Variants in KDM1B observed in about 807,000 individuals in gnomAD.
KDM1B encodes lysine-specific histone demethylase 2.
In KDM1B, 63 loss-of-function variants were observed where a neutral mutation model predicts 107.4. That is an observed-to-expected ratio of 0.59 (90% CI 0.48 to 0.72). KDM1B has a LOEUF of 0.72. Among genes scored for constraint, KDM1B ranks in the 30% least tolerant of loss-of-function variants. The pLI is 0.00. For missense variants in KDM1B, 749 were observed against 1,020.8 expected (o/e 0.73, Z 3.63); for synonymous variants, 363 against 363.9 (o/e 1.00, Z 0.03).
rs1207185227 is a variant in KDM1B at position 18,205,899 on chromosome 6, G to A, written c.1659+235G>A. On this transcript the variant is annotated intron_variant, in intron 15 of 21. Coordinates refer to ENST00000650836, the MANE Select transcript of KDM1B (RefSeq NM_001364614.2). The surrounding 1 kb of genome is among the most constrained non-coding windows in gnomAD (Gnocchi z 5.7). ...CCCAGCTACTCGGGAGGCTGAGGCA[G>A]GGGAATCGCTTGAACCTGGGAGGCG... Among the ~76,000 whole-genome samples, 1 of 152,134 alleles carries A rather than the reference G, an allele frequency of 6.6e-6. No homozygotes were observed. Among genetic ancestry groups the A allele is most frequent in the Non-Finnish European group, 1.5e-5 (1 of 68,022 alleles).
intron 8 of KDM1B, among the ~76,000 whole-genome samples, chr6:18,187,042 G>T (rs1485184833): frequency 6.9e-6 from 1 of 145,202 alleles, no homozygotes; most frequent in African/African-American, 2.7e-5. Flanking sequence ...TTTTTTCCCC[G>T]AATTCCTGGA....
rs892244222 is a variant in KDM1B at position 18,212,014 on chromosome 6, C to T, written c.1867-474C>T. 5 of 157,136 alleles carry T rather than the reference C, an allele frequency of 3.2e-5. No individual in the cohort carries two copies. The highest frequency in any genetic ancestry group is 1.9e-4 in the Admixed American group (3 of 15,542). The allele number at this position is 157,136 out of a possible 1,614,324, so 9.7% of individuals were successfully genotyped here. A position where few individuals can be genotyped will look rare whatever the true frequency, so the allele number is the denominator to read the frequency against. On this transcript the variant is annotated intron_variant, in intron 17 of 21. Coordinates refer to ENST00000650836, the MANE Select transcript of KDM1B (RefSeq NM_001364614.2). This position sits in a 1 kb window ranked among gnomAD's most constrained non-coding sequence, Gnocchi z 5.2. ...AGGCTGGAGTGTAGTGGCGTGATCT[C>T]GGCTCACTGCAAACTCCGCCTTCCA... is the stretch of plus-strand genomic sequence containing the variant.
At chr6:18,218,028 C>T (rs1789383573) in intron 21 of KDM1B, 143 bp downstream of exon 21, 2 of 812,066 alleles carry the variant, frequency 2.5e-6, no homozygotes, top group Admixed American at 5.5e-5. Flanking sequence ...TTCTCACCAT[C>T]CTCTTGCTCC....
intron 6 of KDM1B, among the ~76,000 whole-genome samples, chr6:18,169,591 G>A (rs1374465969): frequency 1.3e-5 from 2 of 152,052 alleles, no homozygotes; most frequent in Non-Finnish European, 2.9e-5. Flanking sequence ...TTTCCTATAG[G>A]TTGTTGTCTT....
At chr6:18,161,263 ACCTTCAT>A in intron 3 of KDM1B, 57 bp from the exon 4 acceptor site, 1 of 1,508,032 alleles carries the variant, frequency 6.6e-7, no homozygotes, top group East Asian at 2.3e-5. Flanking sequence ...TCAGTAGTGA[ACCTTCAT>A]CCTTAGTCAT....
At chr6:18,160,584 A>C (rs1784901865) in intron 3 of KDM1B, among the ~76,000 whole-genome samples, 2 of 146,800 alleles carry the variant, frequency 1.4e-5, no homozygotes, top group South Asian at 4.2e-4. Flanking sequence ...TAAATATGCA[A>C]AAAATTAGCT....
chr6:18,168,221 A>G (rs1272630028), intron 6 of KDM1B, among the ~76,000 whole-genome samples: 1 of 152,204 alleles, frequency 6.6e-6, no homozygotes, highest in Non-Finnish European at 1.5e-5. Flanking sequence ...TACCACCCCT[A>G]TCTAATTCCA....
At chr6:18,180,030 A>C (rs1178308875) in intron 7 of KDM1B, among the ~76,000 whole-genome samples, 1 of 136,234 alleles carries the variant, frequency 7.3e-6, no homozygotes, top group East Asian at 2.1e-4. Flanking sequence ...TGCTTCACTA[A>C]TTTTTGTATT....
chr6:18,212,253 C>T lies in KDM1B; in HGVS notation c.1867-235C>T. The T allele has an allele frequency of 2.0e-6, 1 of 509,768 alleles. No homozygotes were observed. Among genetic ancestry groups the T allele is most frequent in the Non-Finnish European group, 3.6e-6 (1 of 280,124 alleles). The allele number at this position is 509,768 out of a possible 1,614,324, so 31.6% of individuals were successfully genotyped here. ...AGCCACCGCACCTGGCCTCTGCTGA[C>T]TCTTCTTATCTAAGATGATTATTCA... On this transcript the variant is annotated intron_variant, in intron 17 of 21. Coordinates refer to ENST00000650836, the MANE Select transcript of KDM1B (RefSeq NM_001364614.2). The surrounding 1 kb of genome is among the most constrained non-coding windows in gnomAD (Gnocchi z 5.2).
Position 18,209,631 on chromosome 6 carries a change from G to C in KDM1B, c.1866+1425G>C, listed in dbSNP as rs1189531040. 3.3e-5 allele frequency among the ~76,000 whole-genome samples: 5 copies of C among 152,114 alleles called. No homozygotes were observed. Among genetic ancestry groups the C allele is most frequent in the Admixed American group, 3.3e-4 (5 of 15,270 alleles). On this transcript the variant is annotated intron_variant, in intron 17 of 21. Transcript: ENST00000650836. This position sits in a 1 kb window ranked among gnomAD's most constrained non-coding sequence, Gnocchi z 4.3. ...TTTTGTTTGTTTTTTTCAGAGACAG[G>C]GTCTCAGTCTGTCGCCCAGGCTGGA...
At chr6:18,199,028 A>AAG (rs1554147739) in intron 12 of KDM1B, among the ~76,000 whole-genome samples, 18 of 138,748 alleles carry the variant, frequency 1.3e-4, no homozygotes, top group East Asian at 4.0e-4. Flanking sequence ...AAAAAAAAAA[A>AAG]AAAAAGAAAA....
At chr6:18,165,820 TCAAA>T (rs1785261635) in intron 5 of KDM1B, among the ~76,000 whole-genome samples, 1 of 152,108 alleles carries the variant, frequency 6.6e-6, no homozygotes, top group Non-Finnish European at 1.5e-5. Context: ...AGACTCCATC[TCAAA>T]AGAAATTTAA....
In KDM1B at chr6:18,197,107, C is replaced by T. The variant is rs1241767106; in HGVS notation, c.1020C>T (p.Leu340=). The part of the protein sequence containing the change: ...KCIPHIIVRG[L]VRIRCVQEVE... ...TTCCTCACATCATCGTCCGGGGTCT[C>T]GTGCGTATTCGATGCGTTCAGGAAG... is the stretch of plus-strand genomic sequence containing the variant. Residue 340 remains leucine, a synonymous_variant, in exon 11 of 22, where the codon CTC becomes CTT. Coordinates refer to ENST00000650836, the MANE Select transcript of KDM1B (RefSeq NM_001364614.2). This position sits in a 1 kb window ranked among gnomAD's most constrained non-coding sequence, Gnocchi z 4.5. 1.2e-6 allele frequency: 2 copies of T among 1,613,870 alleles called. No homozygotes were observed. Among genetic ancestry groups the T allele is most frequent in the Admixed American group, 1.7e-5 (1 of 59,996 alleles).
intron 7 of KDM1B, among the ~76,000 whole-genome samples, chr6:18,181,450 G>A (rs1295073505): frequency 2.0e-5 from 3 of 152,180 alleles, no homozygotes; most frequent in African/African-American, 7.2e-5. Flanking sequence ...TCTCTAAAAG[G>A]TTAAGAAAAT....
At position 18,179,836 on chromosome 6, in the gene KDM1B, A is replaced by ACTAGATATTTTTTCTTTT. The variant is rs369714077; in HGVS notation, c.535-5936_535-5935insCTAGATATTTTTTCTTTT. 4.1e-4 allele frequency among the ~76,000 whole-genome samples: 34 copies of ACTAGATATTTTTTCTTTT among 83,518 alleles called. 16 individuals carry two copies. Among genetic ancestry groups the ACTAGATATTTTTTCTTTT allele is most frequent in the African/African-American group, 3.9e-4 (8 of 20,304 alleles). The allele number at this position is 83,518 out of a possible 152,430, so 54.8% of individuals were successfully genotyped here. A position where few individuals can be genotyped will look rare whatever the true frequency, so the allele number is the denominator to read the frequency against. On this transcript the variant is annotated intron_variant, in intron 7 of 21. Transcript: ENST00000650836. ...CTATTCCAAAATCTTTCAATTTAGC[A>ACTAGATATTTTTTCTTTT]TTGGTTTTTTTTCCTTTTTTTTTTT...
intron 21 of KDM1B, among the ~76,000 whole-genome samples, chr6:18,220,127 C>T (rs1444584613): frequency 6.6e-6 from 1 of 152,320 alleles, no homozygotes; most frequent in South Asian, 2.1e-4. Flanking sequence ...TTTGTTAAAA[C>T]CCCTGCCCCC....
At position 18,203,990 on chromosome 6, in the gene KDM1B, G is replaced by A. The variant is rs1038802108; in HGVS notation, c.1532-1547G>A. Among the ~76,000 whole-genome samples, 1 of 152,130 alleles carries A rather than the reference G, an allele frequency of 6.6e-6. No homozygotes were observed. Among genetic ancestry groups the A allele is most frequent in the African/African-American group, 2.4e-5 (1 of 41,408 alleles). On this transcript the variant is annotated intron_variant, in intron 14 of 21. Coordinates refer to ENST00000650836, the MANE Select transcript of KDM1B (RefSeq NM_001364614.2). This position sits in a 1 kb window ranked among gnomAD's most constrained non-coding sequence, Gnocchi z 5.5. ...ACTGCACAGCAGGAAGCGGGGATGGGACTTCTACAAAAGTCACAGAAAGTG... is the reference window on the plus strand; with the variant it reads ...ACTGCACAGCAGGAAGCGGGGATGGAACTTCTACAAAAGTCACAGAAAGTG...
intron 20 of KDM1B, among the ~76,000 whole-genome samples, chr6:18,216,135 A>C: frequency 6.6e-6 from 1 of 152,194 alleles, no homozygotes; most frequent in East Asian, 1.9e-4. Flanking sequence ...GCTGGAGTGC[A>C]GTGGCACAAT....
chr6:18,167,065 AAATT>A (rs1785345647), intron 6 of KDM1B, among the ~76,000 whole-genome samples: 1 of 151,962 alleles, frequency 6.6e-6, no homozygotes. Context: ...AGCTTTTTAA[AAATT>A]AATTTGGGCC....
Sources: gnomAD v4.1 joint callset for allele counts (sites outside exome capture counted in the v4.1 genomes callset) on GRCh38, gnomAD v4.1.1 for gene constraint, Gnocchi (gnomAD v3.1) non-coding constraint, MANE v1.5 for transcripts, NCBI Gene and HGNC (gene_info 2026-07-23, HGNC 2026-07-21) for gene names.